The following LRCH2 variants were observed in gnomAD, a reference collection of about 807,000 sequenced individuals.
The protein encoded by LRCH2 is leucine rich repeats and calponin homology domain containing 2.
A neutral mutation model predicts 68.9 loss-of-function variants in LRCH2; 38 were observed. The ratio of observed to expected loss-of-function variants is 0.55; its 90% CI spans 0.43 to 0.72. LRCH2 has a LOEUF of 0.72. Ranked by LOEUF, LRCH2 falls within the 30% of genes least tolerant of loss-of-function variation. The pLI is 0.00. For synonymous variants in LRCH2, 191 were observed against 208.1 expected (o/e 0.92, Z 0.71); for missense variants, 528 against 572.9 (o/e 0.92, Z 0.80).
chrX:115,225,548 T>C (rs1485774751), intron 1 of LRCH2, among the ~76,000 whole-genome samples: 1 of 112,073 alleles, frequency 8.9e-6, no homozygotes, highest in African/African-American at 3.2e-5. Flanking sequence ...ATTTTACATA[T>C]TCTTAAACAG....
rs1261233819 is a variant in LRCH2, at chrX:115,192,809, A to C, written c.350-4439T>G. ...TATGCTTTTGTGAGGAAAAACTTAA[A>C]ATTAGTTTGAAATTGTTAATGTTTC... On this transcript the variant is annotated intron_variant, in intron 1 of 20. Transcript: ENST00000317135. 2.0e-5 allele frequency: 10 copies of C among 508,039 alleles called. No individual in the cohort carries two copies. In the African/African-American group the frequency reaches 2.4e-4, roughly 12 times the overall value. The allele number at this position is 508,039 out of a possible 1,213,427, so 41.9% of individuals were successfully genotyped here.
chrX:115,225,641 C>T (rs1374154448), intron 1 of LRCH2, among the ~76,000 whole-genome samples: 1 of 111,232 alleles, frequency 9.0e-6, no homozygotes, highest in East Asian at 2.8e-4. Flanking sequence ...TCAAAACACC[C>T]CTCAAAGAGC....
chrX:115,132,941 C>T (rs782437527), intron 14 of LRCH2, among the ~76,000 whole-genome samples: 1 of 111,436 alleles, frequency 9.0e-6, no homozygotes, highest in South Asian at 3.7e-4. Context: ...CTTGCTCAAA[C>T]GCCTTACTCC....
At position 115,189,527 on chromosome X, in the gene LRCH2, G is replaced by A. The variant is rs1384842681; in HGVS notation, c.350-1157C>T. The A allele has an allele frequency of 4.2e-6, 5 of 1,179,940 alleles. No individual in the cohort carries two copies. The African/African-American group carries it at 8.8e-5, about 21-fold the overall frequency. On this transcript the variant is annotated intron_variant, in intron 1 of 20. Transcript: ENST00000317135. The stretch of plus-strand genomic sequence containing the variant: ...GAGAAAGCCCTCAAAGCCGAGTTTG[G>A]CAAGTATGGCCACATCATCAAGGTG...
intron 1 of LRCH2, among the ~76,000 whole-genome samples, chrX:115,220,431 A>G (rs1261828601): frequency 8.9e-6 from 1 of 112,209 alleles, no homozygotes; most frequent in Non-Finnish European, 1.9e-5. Context: ...GAGAAGAAGC[A>G]GTGAATACAG....
At chrX:115,198,033 C>T (rs782516297) in intron 1 of LRCH2, among the ~76,000 whole-genome samples, 6 of 80,244 alleles carry the variant, frequency 7.5e-5, no homozygotes, top group African/African-American at 1.9e-4. Context: ...AAAGCTTTTT[C>T]TTTTTTTTTT....
chrX:115,183,465 C>CA (rs2147409312), intron 3 of LRCH2, among the ~76,000 whole-genome samples: 1 of 111,383 alleles, frequency 9.0e-6, no homozygotes, highest in African/African-American at 3.3e-5. Flanking sequence ...GAGGCCGAAG[C>CA]AAGTGGATCA....
chrX:115,233,547 A>T lies in LRCH2; in HGVS notation c.349+146T>A, dbSNP rs782688948. ...ATTGCTTGATTCGCCCCTCACGTTC[A>T]GGAGAACGGGCTGCCCCGACTTTGT... is the stretch of plus-strand genomic sequence containing the variant. On this transcript the variant is annotated intron_variant, in intron 1 of 20. Coordinates refer to ENST00000317135, the MANE Select transcript of LRCH2 (RefSeq NM_020871.4). 5 of 544,469 alleles carry T rather than the reference A, an allele frequency of 9.2e-6. No homozygotes were observed. The South Asian group carries it at 1.4e-4, about 15-fold the overall frequency. The allele number at this position is 544,469 out of a possible 1,213,427, so 44.9% of individuals were successfully genotyped here.
chrX:115,202,644 A>G (rs782066221), intron 1 of LRCH2, among the ~76,000 whole-genome samples: 2 of 112,435 alleles, frequency 1.8e-5, no homozygotes, highest in African/African-American at 6.5e-5. Context: ...GTTCAAAACT[A>G]ATGTCTACAC....
rs782516722 is a variant in LRCH2 at position 115,190,479 on chromosome X, C to T, written c.350-2109G>A. On this transcript the variant is annotated intron_variant, in intron 1 of 20. Transcript: ENST00000317135. The stretch of plus-strand genomic sequence containing the variant: ...ATGCCTGCAGTGAAGGCCGCTCGTC[C>T]GAGGCCTTGCCAGTCGTCTTGCCAG... 9.4e-6 allele frequency: 11 copies of T among 1,166,209 alleles called. No homozygotes were observed. The East Asian group carries it at 9.8e-5, about 10-fold the overall frequency.
intron 12 of LRCH2, among the ~76,000 whole-genome samples, chrX:115,155,160 T>G (rs782453354): frequency 1.8e-5 from 2 of 109,298 alleles, no homozygotes; most frequent in South Asian, 4.0e-4. Flanking sequence ...TTAGATTTAG[T>G]AGGTATATAA....
chrX:115,227,434 C>T (rs2073126318), intron 1 of LRCH2, among the ~76,000 whole-genome samples: 1 of 110,033 alleles, frequency 9.1e-6, no homozygotes, highest in Non-Finnish European at 1.9e-5. Context: ...ATTATGAAAT[C>T]ATTAACTCAC....
At chrX:115,179,075 T>A in intron 5 of LRCH2, among the ~76,000 whole-genome samples, 1 of 112,127 alleles carries the variant, frequency 8.9e-6, no homozygotes, top group Middle Eastern at 4.6e-3. Context: ...TATAATTCCA[T>A]CTCTCAGTGC....
intron 12 of LRCH2, among the ~76,000 whole-genome samples, chrX:115,154,722 C>G (rs2072459528): frequency 9.0e-6 from 1 of 111,467 alleles, no homozygotes; most frequent in Non-Finnish European, 1.9e-5. Flanking sequence ...ATAGTGTTAA[C>G]AAGTATGGAA....
At chrX:115,131,192 G>T (rs1478269785) in intron 14 of LRCH2, among the ~76,000 whole-genome samples, 1 of 109,479 alleles carries the variant, frequency 9.1e-6, no homozygotes, top group East Asian at 2.9e-4. Flanking sequence ...GTGCCATGTT[G>T]GTGTGCTGCA....
At chrX:115,211,203 C>G (rs2073004500) in intron 1 of LRCH2, among the ~76,000 whole-genome samples, 1 of 111,571 alleles carries the variant, frequency 9.0e-6, no homozygotes, top group Non-Finnish European at 1.9e-5. Flanking sequence ...TGTTCTCACT[C>G]AAATCTCATC....
intron 12 of LRCH2, among the ~76,000 whole-genome samples, chrX:115,155,668 A>G: frequency 8.9e-6 from 1 of 112,042 alleles, no homozygotes; most frequent in Non-Finnish European, 1.9e-5. Context: ...TCACCGTCAT[A>G]AGCAATTTAC....
chrX:115,183,067 C>T (rs782098820), intron 3 of LRCH2, among the ~76,000 whole-genome samples: 7 of 108,688 alleles, frequency 6.4e-5, no homozygotes, highest in African/African-American at 2.1e-4. Context: ...CACGCACGCA[C>T]ACGCACACAC....
chrX:115,223,970 A>G (rs2073102392), intron 1 of LRCH2, among the ~76,000 whole-genome samples: 1 of 110,859 alleles, frequency 9.0e-6, no homozygotes, highest in Non-Finnish European at 1.9e-5. Context: ...ATACTGCCTC[A>G]TACCCACTAG....
Sources: gnomAD v4.1 joint callset for allele counts (sites outside exome capture counted in the v4.1 genomes callset) on GRCh38, gnomAD v4.1.1 for gene constraint, MANE v1.5 for transcripts, NCBI Gene and HGNC (gene_info 2026-07-23, HGNC 2026-07-21) for gene names.